The following DPF3 variants were observed in gnomAD, a reference collection of about 807,000 sequenced individuals.
DPF3 encodes zinc finger protein DPF3.
A neutral mutation model predicts 56.8 loss-of-function variants in DPF3; 18 were observed. That is an observed-to-expected ratio of 0.32 (90% confidence interval 0.22 to 0.47). DPF3 has a LOEUF of 0.47. Ranked by LOEUF, DPF3 falls within the 20% of genes least tolerant of loss-of-function variation. The probability of loss-of-function intolerance (pLI) is 1.00; values close to 1 mark genes in which losing one functional copy is unlikely to be tolerated. For synonymous variants in DPF3, 188 were observed against 180.2 expected (o/e 1.04, Z -0.35); for missense variants, 403 against 488.8 (o/e 0.82, Z 1.65).
rs1307073135 is a variant in DPF3 at position 72,612,566 on chromosome 14, CGGCAGAG to C, written c.*6724_*6730del. The C allele has an allele frequency of 2.1e-6, 1 of 485,854 alleles. No individual in the cohort carries two copies. The highest frequency in any genetic ancestry group is 2.1e-5 in the Admixed American group (1 of 48,550). The allele number at this position is 485,854 out of a possible 1,614,324, so 30.1% of individuals were successfully genotyped here. On this transcript the variant is annotated 3_prime_UTR_variant, in exon 11 of 11. Transcript: ENST00000556509. ...CCACCCCACTCCTTAGCATCTATCA[CGGCAGAG>C]GGAAGGGAGGAAACAGTGCAGGGAA...
chr14:72,714,140 G>A (rs368215686), intron 6 of DPF3, among the ~76,000 whole-genome samples: 3 of 152,234 alleles, frequency 2.0e-5, no homozygotes, highest in African/African-American at 4.8e-5. Context: ...AGAGAGAGCC[G>A]GAGGAGAGCC....
rs1028676209 is a variant in DPF3, at chr14:72,836,534, C to G, written c.32+57523G>C. ...CCACCTCGTGGGGAGATTATGATTG[C>G]CCTGTGGTTGCCATGCCTACTGTGA... On this transcript the variant is annotated intron_variant, in intron 1 of 10. Coordinates refer to ENST00000556509, the MANE Select transcript of DPF3 (RefSeq NM_001280542.3). 9 of 984,370 alleles carry G rather than the reference C, an allele frequency of 9.1e-6. No individual in the cohort carries two copies. In the East Asian group the frequency reaches 1.0e-3, roughly 112 times the overall value. The allele number at this position is 984,370 out of a possible 1,614,324, so 61.0% of individuals were successfully genotyped here.
chr14:72,717,587 G>T (rs1014437601), intron 5 of DPF3, among the ~76,000 whole-genome samples: 1 of 152,196 alleles, frequency 6.6e-6, no homozygotes, highest in Admixed American at 6.5e-5. Flanking sequence ...GGGCAAAAAT[G>T]GCATTCTATA....
intron 3 of DPF3, among the ~76,000 whole-genome samples, chr14:72,737,596 T>C (rs1207995404): frequency 6.6e-6 from 1 of 152,192 alleles, no homozygotes; most frequent in East Asian, 1.9e-4. Context: ...TATAATAAAA[T>C]ATGCCATATA....
intron 1 of DPF3, among the ~76,000 whole-genome samples, chr14:72,867,350 G>A (rs1214871678): frequency 6.6e-6 from 1 of 152,100 alleles, no homozygotes; most frequent in Non-Finnish European, 1.5e-5. Context: ...ACTATCCCAG[G>A]CCATCCAGGC....
chr14:72,709,834 C>A (rs1888578240), intron 6 of DPF3, among the ~76,000 whole-genome samples: 1 of 151,696 alleles, frequency 6.6e-6, no homozygotes, highest in Non-Finnish European at 1.5e-5. Flanking sequence ...CAGAAATAAT[C>A]CATGTGAAAC....
At position 72,858,864 on chromosome 14, in the gene DPF3, G is replaced by A. The variant is rs55714703; in HGVS notation, c.32+35193C>T. On this transcript the variant is annotated intron_variant, in intron 1 of 10. Transcript: ENST00000556509. ...TTTGCTCTCATCTTTTTACTTTTATGTGTTGCTTGAATTTTTAGTAACAAA... is the reference window on the plus strand; with the variant it reads ...TTTGCTCTCATCTTTTTACTTTTATATGTTGCTTGAATTTTTAGTAACAAA... Among the ~76,000 whole-genome samples the A allele has an allele frequency of 2.8e-3, 425 of 152,232 alleles. 4 individuals carry two copies. The highest frequency in any genetic ancestry group is 1.0e-2 in the African/African-American group (414 of 41,546).
At chr14:72,858,175 G>A (rs1322695016) in intron 1 of DPF3, among the ~76,000 whole-genome samples, 1 of 152,024 alleles carries the variant, frequency 6.6e-6, no homozygotes, top group Middle Eastern at 3.2e-3. Context: ...AGGTATGGTG[G>A]CATACACATG....
chr14:72,676,645 A>C (rs1039230892), intron 7 of DPF3, among the ~76,000 whole-genome samples: 1 of 152,208 alleles, frequency 6.6e-6, no homozygotes, highest in Non-Finnish European at 1.5e-5. Context: ...ATAGTGAATA[A>C]GTCTCATGGC....
chr14:72,800,022 G>C (rs1327589744), intron 1 of DPF3, among the ~76,000 whole-genome samples: 1 of 152,150 alleles, frequency 6.6e-6, no homozygotes, highest in Non-Finnish European at 1.5e-5. Flanking sequence ...AGCACTATGA[G>C]TTGAGTTTCT....
At chr14:72,619,504 T>A in intron 10 of DPF3, 137 bp from the exon 11 acceptor site, 1 of 955,794 alleles carries the variant, frequency 1.0e-6, no homozygotes, top group Non-Finnish European at 1.5e-6. Context: ...CCTGAAAACG[T>A]GCCAGAGTCT....
intron 1 of DPF3, among the ~76,000 whole-genome samples, chr14:72,844,725 T>C (rs1217829592): frequency 6.6e-6 from 1 of 152,222 alleles, no homozygotes; most frequent in Admixed American, 6.5e-5. Context: ...CAGAATGCCC[T>C]GGGAATGACG....
chr14:72,681,923 C>T (rs1245762242), intron 7 of DPF3, among the ~76,000 whole-genome samples: 1 of 152,162 alleles, frequency 6.6e-6, no homozygotes, highest in Non-Finnish European at 1.5e-5. Context: ...CCAAGTAAAG[C>T]TTAGGAATGG....
chr14:72,627,681 T>A (rs1884913664), intron 9 of DPF3, among the ~76,000 whole-genome samples: 1 of 152,056 alleles, frequency 6.6e-6, no homozygotes, highest in Non-Finnish European at 1.5e-5. Flanking sequence ...TCTAACTCCA[T>A]AAAAAAAGTT....
chr14:72,846,554 T>C (rs1884769840), intron 1 of DPF3, among the ~76,000 whole-genome samples: 1 of 151,872 alleles, frequency 6.6e-6, no homozygotes, highest in Admixed American at 6.6e-5. Flanking sequence ...GCCAGGATGG[T>C]CTCAATCTCC....
chr14:72,874,434 C>T (rs1316633970), intron 1 of DPF3, among the ~76,000 whole-genome samples: 1 of 151,586 alleles, frequency 6.6e-6, no homozygotes, highest in Non-Finnish European at 1.5e-5. Flanking sequence ...AGCCAAGATC[C>T]TGACACTGCA....
intron 3 of DPF3, among the ~76,000 whole-genome samples, chr14:72,742,867 A>G (rs1890184025): frequency 6.6e-6 from 1 of 152,154 alleles, no homozygotes. Context: ...TGGGTGAAGT[A>G]GGCCTCACCA....
intron 2 of DPF3, 48 bp from the exon 3 acceptor site, chr14:72,753,419 GC>G (rs775674560): frequency 2.8e-4 from 413 of 1,493,080 alleles, no homozygotes; most frequent in Non-Finnish European, 3.6e-4. Context: ...GCTGGAAGGG[GC>G]CTTGGAAACT....
In DPF3 at chr14:72,879,100, G is replaced by A. The variant is rs560621356; in HGVS notation, c.32+14957C>T. Among the ~76,000 whole-genome samples, 9 of 152,324 alleles carry A rather than the reference G, an allele frequency of 5.9e-5. No individual in the cohort carries two copies. The South Asian group carries it at 1.2e-3, about 21-fold the overall frequency. On this transcript the variant is annotated intron_variant, in intron 1 of 10. Coordinates refer to ENST00000556509, the MANE Select transcript of DPF3 (RefSeq NM_001280542.3). Reference sequence around the variant, plus strand: ...AGGTCCTTGGGACAGAAAGGCACATGTGGCCAGGCTTGGTGGCTCATGCCT... The same window carrying A: ...AGGTCCTTGGGACAGAAAGGCACATATGGCCAGGCTTGGTGGCTCATGCCT...
Sources: gnomAD v4.1 joint callset for allele counts (sites outside exome capture counted in the v4.1 genomes callset) on GRCh38, gnomAD v4.1.1 for gene constraint, MANE v1.5 for transcripts, NCBI Gene and HGNC (gene_info 2026-07-23, HGNC 2026-07-21) for gene names.